The following ENTREP2 variants were observed in gnomAD, a reference collection of about 807,000 sequenced individuals.
ENTREP2 encodes protein ENTREP2.
the ENTREP2 span, among the ~76,000 whole-genome samples, chr15:29,519,841 C>T: frequency 6.6e-6 from 1 of 152,170 alleles, no homozygotes; most frequent in Non-Finnish European, 1.5e-5. Flanking sequence ...ATAGGCAGTT[C>T]CTGCCTTAAT....
the ENTREP2 span, among the ~76,000 whole-genome samples, chr15:29,300,330 GGAT>G: frequency 1.7e-5 from 2 of 117,470 alleles, no homozygotes; most frequent in African/African-American, 3.3e-5. Flanking sequence ...ATGGATGGAT[GGAT>G]GATGGATGGA....
chr15:29,651,665 C>T, the ENTREP2 span, among the ~76,000 whole-genome samples: 1 of 152,234 alleles, frequency 6.6e-6, no homozygotes, highest in African/African-American at 2.4e-5. Context: ...GATCTTGAAG[C>T]ATGGTTGGGG....
chr15:29,402,306 GTGTGTGTGTGTGTATA>G, the ENTREP2 span, among the ~76,000 whole-genome samples: 1,167 of 140,916 alleles, frequency 8.3e-3, 21 homozygotes, highest in African/African-American at 0.028. Context: ...GTGTGTGTGT[GTGTGTGTGTGTGTATA>G]TATGTATATT....
At chr15:29,498,089 G>C in the ENTREP2 span, among the ~76,000 whole-genome samples, 2 of 152,134 alleles carry the variant, frequency 1.3e-5, no homozygotes, top group Admixed American at 6.6e-5. Context: ...GTTAGTGACT[G>C]AGTTCTCATG....
chr15:29,475,119 AGT>A, the ENTREP2 span, among the ~76,000 whole-genome samples: 399 of 152,108 alleles, frequency 2.6e-3, 1 homozygote, highest in African/African-American at 9.1e-3. Context: ...ACTGAGCGAG[AGT>A]GTGTGGGAGG....
the ENTREP2 span, among the ~76,000 whole-genome samples, chr15:29,138,193 G>A: frequency 6.6e-6 from 1 of 152,108 alleles, no homozygotes; most frequent in Admixed American, 6.5e-5. Flanking sequence ...AACTTCATGA[G>A]TTCCAGAACA....
the ENTREP2 span, among the ~76,000 whole-genome samples, chr15:29,125,629 T>C: frequency 1.3e-5 from 2 of 152,150 alleles, no homozygotes; most frequent in East Asian, 1.9e-4. Flanking sequence ...CACCAATCTT[T>C]ATTGGCAGAA....
At chr15:29,382,613 CCT>C in the ENTREP2 span, among the ~76,000 whole-genome samples, 6 of 152,158 alleles carry the variant, frequency 3.9e-5, no homozygotes, top group African/African-American at 1.4e-4. Flanking sequence ...GAAGTCATCC[CCT>C]CTCTCCTGCC....
the ENTREP2 span, among the ~76,000 whole-genome samples, chr15:29,657,495 G>GGGGGT: frequency 1.0e-5 from 1 of 99,478 alleles, no homozygotes; most frequent in African/African-American, 3.5e-5. Context: ...GGGGGGGGGG[G>GGGGGT]TGGCCAGCTT....
At chr15:29,131,049 A>T in the ENTREP2 span, among the ~76,000 whole-genome samples, 7 of 152,184 alleles carry the variant, frequency 4.6e-5, no homozygotes, top group Admixed American at 4.6e-4. Flanking sequence ...TAACTGGAAA[A>T]TAAGTTGGCT....
At chr15:29,150,351 C>T in the ENTREP2 span, among the ~76,000 whole-genome samples, 1 of 152,236 alleles carries the variant, frequency 6.6e-6, no homozygotes, top group Non-Finnish European at 1.5e-5. Context: ...AGAGAATTTA[C>T]TTTATTCTTA....
At chr15:29,427,042 G>A in the ENTREP2 span, among the ~76,000 whole-genome samples, 2 of 151,974 alleles carry the variant, frequency 1.3e-5, no homozygotes, top group Non-Finnish European at 1.5e-5. Flanking sequence ...TTATCTTATG[G>A]GTGCTTGGTT....
chr15:29,566,585 T>G, the ENTREP2 span, among the ~76,000 whole-genome samples: 2 of 152,016 alleles, frequency 1.3e-5, no homozygotes, highest in Non-Finnish European at 2.9e-5. Flanking sequence ...GCCTCCCAAG[T>G]ACCTGGGATT....
chr15:29,381,869 C>T, the ENTREP2 span: 52 of 1,542,046 alleles, frequency 3.4e-5, no homozygotes, highest in South Asian at 4.8e-5. Flanking sequence ...GAGATGCTTC[C>T]GAAACCTTGC....
the ENTREP2 span, among the ~76,000 whole-genome samples, chr15:29,398,881 G>T: frequency 6.6e-6 from 1 of 152,268 alleles, no homozygotes; most frequent in South Asian, 2.1e-4. Flanking sequence ...ATGTGATTAG[G>T]TTACGCTGCC....
At chr15:29,514,581 T>G in the ENTREP2 span, among the ~76,000 whole-genome samples, 3 of 152,204 alleles carry the variant, frequency 2.0e-5, no homozygotes, top group Non-Finnish European at 2.9e-5. Flanking sequence ...AACAGAGCTG[T>G]CAGTGTGGTT....
chr15:29,657,492 G>GGGGGGGGGGGGGGGGGGGGGGGGGA, the ENTREP2 span, among the ~76,000 whole-genome samples: 1 of 135,296 alleles, frequency 7.4e-6, no homozygotes, highest in Admixed American at 7.1e-5. Context: ...GCGGGGGGGG[G>GGGGGGGGGGGGGGGGGGGGGGGGGA]GGGTGGCCAG....
At chr15:29,228,233 C>T in the ENTREP2 span, among the ~76,000 whole-genome samples, 2 of 152,102 alleles carry the variant, frequency 1.3e-5, no homozygotes, top group East Asian at 1.9e-4. Context: ...GCAGGAGAAT[C>T]GCTTGAACTA....
chr15:29,193,283 G>T, the ENTREP2 span, among the ~76,000 whole-genome samples: 1 of 152,196 alleles, frequency 6.6e-6, no homozygotes, highest in Non-Finnish European at 1.5e-5. Context: ...ACTGAGTGGG[G>T]AAGATCCACC....
Sources: allele counts gnomAD v4.1 joint callset (sites outside exome capture counted in the v4.1 genomes callset), GRCh38; gene constraint gnomAD v4.1.1; transcripts MANE v1.5; gene names NCBI Gene and HGNC (gene_info 2026-07-23, HGNC 2026-07-21).